B4GALT6: variants seen among roughly 807,000 people sequenced by gnomAD.
B4GALT6 encodes beta-1,4-galactosyltransferase 6.
In B4GALT6, 14 loss-of-function variants were observed where a neutral mutation model predicts 46.3. The ratio of observed to expected loss-of-function variants is 0.30; its 90% CI spans 0.20 to 0.47. B4GALT6 has a LOEUF of 0.47. Ranked by LOEUF, B4GALT6 falls within the 20% of genes least tolerant of loss-of-function variation. The probability of loss-of-function intolerance (pLI) is 0.99; values close to 1 mark genes in which losing one functional copy is unlikely to be tolerated. For missense variants in B4GALT6, 386 were observed against 480.1 expected, an observed-to-expected ratio of 0.80 and a Z score of 1.83; for synonymous variants, 168 against 162.0, an observed-to-expected ratio of 1.04 and a Z score of -0.28.
chr18:31,711,931 G>T, the B4GALT6 span, among the ~76,000 whole-genome samples: 1 of 152,158 alleles, frequency 6.6e-6, no homozygotes, highest in South Asian at 2.1e-4. Context: ...ATCTCCCACA[G>T]ACAGGCCTCT....
intron 1 of B4GALT6, among the ~76,000 whole-genome samples, chr18:31,668,148 T>C (rs2074304760): frequency 6.6e-6 from 1 of 150,928 alleles, no homozygotes; most frequent in African/African-American, 2.4e-5. Context: ...AACAAAATCA[T>C]ATGCTTTGCA....
the B4GALT6 span, among the ~76,000 whole-genome samples, chr18:31,715,537 CTTTTTTTTTTTTTTTTTTT>C: frequency 4.0e-5 from 2 of 49,610 alleles, no homozygotes; most frequent in East Asian, 8.6e-4. Flanking sequence ...CTGGAACTGT[CTTTTTTTTTTTTTTTTTTT>C]TTTTTTTTTT....
chr18:31,644,857 G>A lies in B4GALT6; in HGVS notation c.471+498C>T, dbSNP rs145022567. Among the ~76,000 whole-genome samples, 3 of 152,330 alleles carry A rather than the reference G, an allele frequency of 2.0e-5. No homozygotes were observed. In the East Asian group the frequency reaches 5.8e-4, roughly 29 times the overall value. ...CTTTTCAAGTCCCACAGTGATCTCT[G>A]AGCAGCCTCTTTATAATCTTGGATT... On this transcript the variant is annotated intron_variant, in intron 4 of 8. Transcript: ENST00000306851.
At chr18:31,659,292 G>C (rs1313479807) in intron 2 of B4GALT6, among the ~76,000 whole-genome samples, 1 of 152,208 alleles carries the variant, frequency 6.6e-6, no homozygotes, top group Non-Finnish European at 1.5e-5. Flanking sequence ...TAGGAAGTAT[G>C]TGAGAGGAGC....
the B4GALT6 span, among the ~76,000 whole-genome samples, chr18:31,693,516 G>A: frequency 1.3e-5 from 2 of 152,210 alleles, no homozygotes; most frequent in South Asian, 4.2e-4. Flanking sequence ...CTTACTTTAT[G>A]CAAATGTTAA....
intron 1 of B4GALT6, among the ~76,000 whole-genome samples, chr18:31,679,135 T>C (rs1243975861): frequency 6.6e-6 from 1 of 152,194 alleles, no homozygotes; most frequent in Non-Finnish European, 1.5e-5. Flanking sequence ...TTAATAAACA[T>C]TAAAGGCAGT....
At chr18:31,685,842 C>T (rs1393084974), upstream of B4GALT6, 3 of 152,260 alleles carry the variant, frequency 2.0e-5, no homozygotes, top group African/African-American at 7.2e-5. Flanking sequence ...CCCCTCCTAT[C>T]CCGCACTTCC....
intron 3 of B4GALT6, among the ~76,000 whole-genome samples, chr18:31,650,769 C>A (rs2074054495): frequency 6.6e-6 from 1 of 152,132 alleles, no homozygotes; most frequent in Non-Finnish European, 1.5e-5. Flanking sequence ...TAACAGGTAT[C>A]CCAGCTGCAT....
intron 1 of B4GALT6, among the ~76,000 whole-genome samples, chr18:31,682,092 TCA>T (rs1247802314): frequency 6.6e-6 from 1 of 152,230 alleles, no homozygotes; most frequent in Admixed American, 6.5e-5. Flanking sequence ...TCATGGAACA[TCA>T]TTTTTACTTG....
chr18:31,716,900 G>T, the B4GALT6 span, among the ~76,000 whole-genome samples: 98 of 152,280 alleles, frequency 6.4e-4, no homozygotes, highest in Non-Finnish European at 1.2e-3. Flanking sequence ...AGGAGTTAGA[G>T]ACCAGCCCGG....
intron 1 of B4GALT6, among the ~76,000 whole-genome samples, chr18:31,677,065 C>T (rs1339377840): frequency 6.6e-6 from 1 of 152,100 alleles, no homozygotes; most frequent in Non-Finnish European, 1.5e-5. Context: ...TGTGTTTCAT[C>T]CTTAATGAAC....
At chr18:31,639,895 T>C (rs1038903194) in intron 4 of B4GALT6, among the ~76,000 whole-genome samples, 7 of 152,202 alleles carry the variant, frequency 4.6e-5, no homozygotes, top group Non-Finnish European at 7.4e-5. Flanking sequence ...ATTTCTTGGA[T>C]ACAAACTTTG....
chr18:31,647,077 A>G (rs2073999794), intron 3 of B4GALT6, among the ~76,000 whole-genome samples: 1 of 152,250 alleles, frequency 6.6e-6, no homozygotes, highest in African/African-American at 2.4e-5. Flanking sequence ...GACTATCATG[A>G]CTCAGCTGAC....
the B4GALT6 span, among the ~76,000 whole-genome samples, chr18:31,707,705 T>A: frequency 2.6e-5 from 4 of 151,856 alleles, no homozygotes; most frequent in South Asian, 8.3e-4. Context: ...TTTAAAAATT[T>A]CCCCCCCACA....
chr18:31,675,562 C>G (rs1389932374), intron 1 of B4GALT6, among the ~76,000 whole-genome samples: 2 of 152,162 alleles, frequency 1.3e-5, no homozygotes, highest in Non-Finnish European at 2.9e-5. Flanking sequence ...TGCTAATGCA[C>G]TGTGTAATTC....
At chr18:31,678,678 G>C (rs947211072) in intron 1 of B4GALT6, among the ~76,000 whole-genome samples, 1 of 152,164 alleles carries the variant, frequency 6.6e-6, no homozygotes, top group African/African-American at 2.4e-5. Flanking sequence ...TCAGGGGTGT[G>C]GCAGGGAAGA....
chr18:31,651,368 A>G (rs888688090), intron 3 of B4GALT6, among the ~76,000 whole-genome samples: 1 of 151,856 alleles, frequency 6.6e-6, no homozygotes, highest in Non-Finnish European at 1.5e-5. Context: ...AACAAGTGTC[A>G]CTTTTTTTTT....
At chr18:31,632,041 TA>T (rs1291714435) in intron 5 of B4GALT6, among the ~76,000 whole-genome samples, 1 of 152,138 alleles carries the variant, frequency 6.6e-6, no homozygotes, top group Admixed American at 6.5e-5. Context: ...GCACTGGCAA[TA>T]AAAAACCTTC....
chr18:31,625,469 G>C lies in B4GALT6; in HGVS notation c.*145C>G, dbSNP rs2073680208. The stretch of plus-strand genomic sequence containing the variant: ...GGTGAGAGAAGGGTGACTGTATATA[G>C]TCCCACTCTGTAAACACTGTGGACT... On this transcript the variant is annotated 3_prime_UTR_variant, in exon 9 of 9. Coordinates refer to ENST00000306851, the MANE Select transcript of B4GALT6 (RefSeq NM_004775.5). 2.4e-6 allele frequency: 2 copies of C among 836,002 alleles called. No individual in the cohort carries two copies. Among genetic ancestry groups the C allele is most frequent in the South Asian group, 3.4e-5 (2 of 58,542 alleles). The allele number at this position is 836,002 out of a possible 1,614,324, so 51.8% of individuals were successfully genotyped here.
Sources: gnomAD v4.1 joint callset for allele counts (sites outside exome capture counted in the v4.1 genomes callset) on GRCh38, gnomAD v4.1.1 for gene constraint, MANE v1.5 for transcripts, NCBI Gene and HGNC (gene_info 2026-07-23, HGNC 2026-07-21) for gene names.